Variants in CNTN4 observed in about 807,000 individuals in gnomAD.
CNTN4 encodes contactin 4, also known as contactin-4.
CNTN4 carries 77 observed loss-of-function variants against 122.5 expected under a neutral mutation model. That is an observed-to-expected ratio of 0.63 (90% CI 0.52 to 0.76). The LOEUF is 0.76. CNTN4 is among the 30% of genes least tolerant of loss of function. CNTN4 has a pLI of 0.00. For missense variants in CNTN4, 1,256 were observed against 1,259.1 expected (o/e 1.00, Z 0.04); for synonymous variants, 512 against 447.0 (o/e 1.15, Z -1.83).
intron 3 of CNTN4, among the ~76,000 whole-genome samples, chr3:2,434,589 G>A (rs1247172904): frequency 1.3e-5 from 2 of 152,156 alleles, no homozygotes; most frequent in Non-Finnish European, 2.9e-5. Flanking sequence ...AATTTCCGGG[G>A]CTGGCACTGT....
At chr3:2,973,726 C>G (rs909691943) in intron 13 of CNTN4, among the ~76,000 whole-genome samples, 4 of 151,946 alleles carry the variant, frequency 2.6e-5, no homozygotes, top group African/African-American at 7.3e-5. Flanking sequence ...TGGATACGAC[C>G]TGGGATTTGA....
At chr3:2,575,743 T>A (rs1428722617) in intron 4 of CNTN4, among the ~76,000 whole-genome samples, 1 of 152,122 alleles carries the variant, frequency 6.6e-6, no homozygotes, top group Non-Finnish European at 1.5e-5. Context: ...TGCTTTTTAT[T>A]GCTTGATTTC....
chr3:2,146,466 A>G (rs984989312), intron 2 of CNTN4, among the ~76,000 whole-genome samples: 4 of 152,114 alleles, frequency 2.6e-5, no homozygotes, highest in South Asian at 2.1e-4. Context: ...TACATTTTAT[A>G]TTGTTCCAGT....
chr3:2,420,101 T>A (rs1463638677), intron 3 of CNTN4, among the ~76,000 whole-genome samples: 5 of 152,190 alleles, frequency 3.3e-5, no homozygotes, highest in Non-Finnish European at 7.3e-5. Flanking sequence ...TGTGACTCCC[T>A]GCAGCTGGTG....
chr3:3,052,092 G>A (rs538701871), intron 23 of CNTN4, among the ~76,000 whole-genome samples: 4 of 152,236 alleles, frequency 2.6e-5, no homozygotes, highest in East Asian at 1.9e-4. Flanking sequence ...TGAGAACTAC[G>A]CGTCTAATTC....
chr3:2,730,711 C>A (rs2088615562), intron 4 of CNTN4, among the ~76,000 whole-genome samples: 1 of 152,122 alleles, frequency 6.6e-6, no homozygotes. Context: ...TGTACTTGCT[C>A]CTGTGGGCTT....
At chr3:3,004,582 G>A (rs1448624758) in intron 14 of CNTN4, among the ~76,000 whole-genome samples, 1 of 152,136 alleles carries the variant, frequency 6.6e-6, no homozygotes, top group Non-Finnish European at 1.5e-5. Context: ...TTCTAATCTC[G>A]ACATTACCAC....
intron 7 of CNTN4, among the ~76,000 whole-genome samples, chr3:2,856,476 A>G (rs1312327045): frequency 2.0e-5 from 3 of 152,222 alleles, no homozygotes; most frequent in African/African-American, 7.2e-5. Context: ...CACCCGGCAC[A>G]CAAGGGGATC....
At chr3:2,607,111 C>T (rs973309688) in intron 4 of CNTN4, among the ~76,000 whole-genome samples, 2 of 152,288 alleles carry the variant, frequency 1.3e-5, no homozygotes, top group East Asian at 3.9e-4. Context: ...GTGACTGTTA[C>T]ATTCTTCCAA....
intron 11 of CNTN4, among the ~76,000 whole-genome samples, 191 bp downstream of exon 11, chr3:2,901,012 C>T (rs2094167018): frequency 6.6e-6 from 1 of 152,186 alleles, no homozygotes; most frequent in Admixed American, 6.5e-5. Flanking sequence ...CTCCAGCTTT[C>T]AATTAAGCTC....
chr3:2,686,562 GT>G (rs10714326), intron 4 of CNTN4, among the ~76,000 whole-genome samples: 26,971 of 151,932 alleles, frequency 0.18, 5,407 homozygotes, highest in African/African-American at 0.5. Context: ...ATTGTTTGAT[GT>G]TTGCTTTTGT....
intron 14 of CNTN4, among the ~76,000 whole-genome samples, chr3:2,999,889 C>G (rs1225407465): frequency 6.6e-6 from 1 of 152,134 alleles, no homozygotes; most frequent in Non-Finnish European, 1.5e-5. Context: ...CAAACTTTTC[C>G]TATTGAAATT....
chr3:2,403,202 G>A (rs1382302230), intron 3 of CNTN4, among the ~76,000 whole-genome samples: 1 of 151,946 alleles, frequency 6.6e-6, no homozygotes, highest in Non-Finnish European at 1.5e-5. Context: ...AGCCATATTT[G>A]ATTAGGGGCC....
At chr3:2,648,469 A>G (rs898790864) in intron 4 of CNTN4, among the ~76,000 whole-genome samples, 1 of 152,110 alleles carries the variant, frequency 6.6e-6, no homozygotes, top group East Asian at 1.9e-4. Flanking sequence ...TCTTACTATT[A>G]TATCTGTTAT....
At chr3:2,316,880 T>C (rs1452403850) in intron 2 of CNTN4, among the ~76,000 whole-genome samples, 1 of 152,168 alleles carries the variant, frequency 6.6e-6, no homozygotes, top group Non-Finnish European at 1.5e-5. Context: ...TGCAAACCTT[T>C]TTAATAAGTA....
At chr3:2,104,601 T>C (rs1157053748) in intron 2 of CNTN4, among the ~76,000 whole-genome samples, 2 of 152,096 alleles carry the variant, frequency 1.3e-5, no homozygotes, top group Admixed American at 6.5e-5. Flanking sequence ...AGAAGTCTTA[T>C]TGGAGGTTGT....
At chr3:2,563,582 C>T (rs554583514) in intron 3 of CNTN4, among the ~76,000 whole-genome samples, 3 of 152,194 alleles carry the variant, frequency 2.0e-5, no homozygotes, top group South Asian at 4.1e-4. Flanking sequence ...TGCTGATTTA[C>T]TACATTGTAC....
chr3:2,882,527 C>G (rs573135822), intron 8 of CNTN4, among the ~76,000 whole-genome samples: 1 of 152,224 alleles, frequency 6.6e-6, no homozygotes, highest in South Asian at 2.1e-4. Context: ...ATAAGTGTGC[C>G]ATTGGCAAGG....
intron 4 of CNTN4, among the ~76,000 whole-genome samples, chr3:2,660,822 C>A (rs1403400494): frequency 6.6e-6 from 1 of 152,212 alleles, no homozygotes; most frequent in African/African-American, 2.4e-5. Flanking sequence ...TGATGCCCAG[C>A]ACGTCAGAGC....
Sources: allele counts gnomAD v4.1 joint callset (sites outside exome capture counted in the v4.1 genomes callset), GRCh38; gene constraint gnomAD v4.1.1; transcripts MANE v1.5; gene names NCBI Gene and HGNC (gene_info 2026-07-23, HGNC 2026-07-21).